Variants in RALGAPA1 observed in about 807,000 individuals in gnomAD.
The protein encoded by RALGAPA1 is Ral GTPase activating protein catalytic subunit alpha 1, also known as ral GTPase-activating protein subunit alpha-1.
RALGAPA1 carries 52 observed loss-of-function variants against 269.6 expected under a neutral mutation model. The ratio of observed to expected loss-of-function variants is 0.19; its 90% CI spans 0.15 to 0.24. The LOEUF (loss-of-function observed/expected upper bound fraction) is 0.24, where lower values mean the gene tolerates loss of function less well. Among genes scored for constraint, RALGAPA1 ranks in the 10% least tolerant of loss-of-function variants. The pLI is 1.00. For missense variants in RALGAPA1, 1,917 were observed against 3,013.9 expected (o/e 0.64, Z 8.52); for synonymous variants, 817 against 1,008.3 (o/e 0.81, Z 3.60).
At chr14:35,802,147 C>T (rs1476103565) in intron 1 of RALGAPA1, among the ~76,000 whole-genome samples, 1 of 152,024 alleles carries the variant, frequency 6.6e-6, no homozygotes, top group African/African-American at 2.4e-5. Flanking sequence ...GTCTCTACTA[C>T]AAACACAAAA....
rs1054991666 is a variant in RALGAPA1, at chr14:35,672,850, C to T, written c.5073+17G>A. The T allele has an allele frequency of 2.7e-6, 4 of 1,485,418 alleles. No individual in the cohort carries two copies. The highest frequency in any genetic ancestry group is 3.6e-6 in the Non-Finnish European group (4 of 1,112,928). 92.0% of individuals were successfully genotyped at this position (1,485,418 alleles called of 1,614,324 possible). On this transcript the variant is annotated intron_variant, in intron 25 of 41. Transcript: ENST00000680220. ...GATATAAACTACTTCTTAGATGATA[C>T]ATATATATATAGTTACCTGGTCAAT...
chr14:35,769,387 G>T (rs952326004), intron 4 of RALGAPA1, among the ~76,000 whole-genome samples: 1 of 151,972 alleles, frequency 6.6e-6, no homozygotes, highest in Non-Finnish European at 1.5e-5. Flanking sequence ...ATTTGTAAGT[G>T]GGAGCTAAAC....
intron 35 of RALGAPA1, among the ~76,000 whole-genome samples, chr14:35,606,336 A>G (rs1291944661): frequency 6.6e-6 from 1 of 152,226 alleles, no homozygotes; most frequent in Non-Finnish European, 1.5e-5. Flanking sequence ...TTGCTAAGCT[A>G]CAAATCTGTA....
chr14:35,617,055 G>T (rs577920665), intron 35 of RALGAPA1, among the ~76,000 whole-genome samples: 39 of 152,326 alleles, frequency 2.6e-4, no homozygotes, highest in Non-Finnish European at 4.9e-4. Flanking sequence ...CTATGACAGG[G>T]ACATGCTACA....
chr14:35,712,431 A>G (rs2068437015), intron 16 of RALGAPA1, among the ~76,000 whole-genome samples: 1 of 152,070 alleles, frequency 6.6e-6, no homozygotes, highest in South Asian at 2.1e-4. Context: ...TTTCTTGCAA[A>G]GCAAGTATAC....
intron 35 of RALGAPA1, among the ~76,000 whole-genome samples, chr14:35,620,498 G>A (rs1170288740): frequency 6.6e-6 from 1 of 152,066 alleles, no homozygotes; most frequent in Admixed American, 6.6e-5. Context: ...CATAGTGTTG[G>A]AAGTTCTGGC....
chr14:35,645,960 A>G (rs974101581), intron 31 of RALGAPA1, among the ~76,000 whole-genome samples: 14 of 152,156 alleles, frequency 9.2e-5, no homozygotes, highest in African/African-American at 3.4e-4. Context: ...AGCCACTTTG[A>G]AGGGGCTCCC....
intron 37 of RALGAPA1, among the ~76,000 whole-genome samples, chr14:35,588,349 G>C (rs1376471569): frequency 1.3e-5 from 2 of 152,152 alleles, no homozygotes; most frequent in Non-Finnish European, 2.9e-5. Context: ...TGACTACTTT[G>C]AGGGAAACAG....
chr14:35,710,733 T>C (rs1222465119), intron 16 of RALGAPA1, among the ~76,000 whole-genome samples: 1 of 152,252 alleles, frequency 6.6e-6, no homozygotes, highest in African/African-American at 2.4e-5. Flanking sequence ...ACATTTATAA[T>C]ACTCTATTTT....
intron 4 of RALGAPA1, chr14:35,765,866 A>G (rs2141421767): frequency 1.3e-6 from 1 of 770,892 alleles, no homozygotes; most frequent in African/African-American, 1.7e-5. Context: ...AAATTGTTGG[A>G]TTAGGGAGCT....
chr14:35,599,638 C>T (rs554880223), intron 36 of RALGAPA1, among the ~76,000 whole-genome samples: 3 of 152,132 alleles, frequency 2.0e-5, no homozygotes, highest in Admixed American at 6.5e-5. Context: ...ATCCCAGCTT[C>T]GTCGGGAGGC....
At position 35,601,049 on chromosome 14, in the gene RALGAPA1, T is replaced by G. The variant is rs1337258857; in HGVS notation, c.7053+4537A>C. On this transcript the variant is annotated intron_variant, in intron 36 of 41. Coordinates refer to ENST00000680220, the MANE Select transcript of RALGAPA1 (RefSeq NM_001346249.2). ...AATTATATGTTCCCTACTCAATCTC[T>G]GTTGACACCTGGGAAACAGGGAAGA... 2.6e-5 allele frequency among the ~76,000 whole-genome samples: 4 copies of G among 152,350 alleles called. No individual in the cohort carries two copies. In the East Asian group the frequency reaches 7.7e-4, roughly 29 times the overall value.
intron 30 of RALGAPA1, 93 bp downstream of exon 30, chr14:35,654,274 A>T: frequency 7.6e-7 from 1 of 1,321,546 alleles, no homozygotes. Flanking sequence ...TATGCAAAAA[A>T]ATTTTAAAAC....
At position 35,688,684 on chromosome 14, in the gene RALGAPA1, C is replaced by T. The variant is rs1193956711; in HGVS notation, c.3727G>A (p.Gly1243Arg). 2.0e-6 allele frequency: 3 copies of T among 1,486,050 alleles called. No individual in the cohort carries two copies. Among genetic ancestry groups the T allele is most frequent in the Non-Finnish European group, 2.7e-6 (3 of 1,126,078 alleles). The allele number at this position is 1,486,050 out of a possible 1,614,324, so 92.1% of individuals were successfully genotyped here. ...EIPTTILQKE[G>R]IASSQLGSRS... Reference sequence around the variant, plus strand: ...CTACCTAATTGACTACTTGCAATTCCTTCTTTTTGTAATATGGTGGTGGGA... The same window carrying T: ...CTACCTAATTGACTACTTGCAATTCTTTCTTTTTGTAATATGGTGGTGGGA... The change falls in exon 18 of 42, where the codon GGA (glycine) becomes AGA (arginine). Residue 1243 changes from glycine to arginine, a missense_variant. Physicochemically the swap from Gly to Arg is moderately radical, Grantham distance 125. Coordinates refer to ENST00000680220, the MANE Select transcript of RALGAPA1 (RefSeq NM_001346249.2).
intron 26 of RALGAPA1, among the ~76,000 whole-genome samples, chr14:35,668,524 G>A (rs1462013027): frequency 6.6e-6 from 1 of 151,852 alleles, no homozygotes; most frequent in African/African-American, 2.4e-5. Flanking sequence ...TAGCTCAGGT[G>A]CTCATGACTG....
intron 1 of RALGAPA1, among the ~76,000 whole-genome samples, chr14:35,803,901 G>C (rs762335770): frequency 6.6e-6 from 1 of 151,796 alleles, no homozygotes; most frequent in Non-Finnish European, 1.5e-5. Context: ...TGAGATTACA[G>C]GCATGAGCCA....
At chr14:35,794,344 GCA>G (rs2076404702) in intron 1 of RALGAPA1, among the ~76,000 whole-genome samples, 1 of 151,952 alleles carries the variant, frequency 6.6e-6, no homozygotes, top group African/African-American at 2.4e-5. Flanking sequence ...CTATATATAT[GCA>G]CACACACACG....
chr14:35,807,067 T>C (rs2077429056), intron 1 of RALGAPA1, among the ~76,000 whole-genome samples: 1 of 152,318 alleles, frequency 6.6e-6, no homozygotes, highest in South Asian at 2.1e-4. Context: ...AAAAAGTATA[T>C]ATAAATAATT....
chr14:35,766,582 G>C (rs574302090), intron 4 of RALGAPA1: 2 of 782,172 alleles, frequency 2.6e-6, no homozygotes, highest in African/African-American at 3.4e-5. Flanking sequence ...TATGGTCACA[G>C]ATGTGACACT....
Sources: allele counts gnomAD v4.1 joint callset (sites outside exome capture counted in the v4.1 genomes callset), GRCh38; gene constraint gnomAD v4.1.1; transcripts MANE v1.5; gene names NCBI Gene and HGNC (gene_info 2026-07-23, HGNC 2026-07-21).